The following PTPRM variants were observed in gnomAD, a reference collection of about 807,000 sequenced individuals.
PTPRM encodes receptor-type tyrosine-protein phosphatase mu.
A neutral mutation model predicts 186.7 loss-of-function variants in PTPRM; 47 were observed. That is an observed-to-expected ratio of 0.25 (90% CI 0.20 to 0.32). The LOEUF (loss-of-function observed/expected upper bound fraction) is 0.32. Ranked by LOEUF, PTPRM falls within the 10% of genes least tolerant of loss-of-function variation. The pLI, the probability that PTPRM is intolerant of heterozygous loss-of-function variation, is 1.00. For missense variants in PTPRM, 1,494 were observed against 1,865.0 expected (o/e 0.80, Z 3.66); for synonymous variants, 668 against 674.9 (o/e 0.99, Z 0.16).
intron 1 of PTPRM, among the ~76,000 whole-genome samples, chr18:7,673,766 C>T (rs1342175658): frequency 6.6e-6 from 1 of 152,206 alleles, no homozygotes; most frequent in Admixed American, 6.5e-5. Flanking sequence ...GAAGGCCACA[C>T]TATTTACTAG....
intron 7 of PTPRM, among the ~76,000 whole-genome samples, chr18:8,068,224 C>T (rs1463260459): frequency 6.6e-6 from 1 of 152,146 alleles, no homozygotes; most frequent in Non-Finnish European, 1.5e-5. Flanking sequence ...GCTTTTATAT[C>T]TCAAGTTTAT....
chr18:8,220,254 C>T (rs1189471247), intron 14 of PTPRM, among the ~76,000 whole-genome samples: 2 of 152,068 alleles, frequency 1.3e-5, no homozygotes, highest in African/African-American at 2.4e-5. Context: ...TGATGACTTC[C>T]GAACTTTAAA....
At chr18:8,181,540 C>T (rs772129372) in intron 14 of PTPRM, among the ~76,000 whole-genome samples, 2 of 152,232 alleles carry the variant, frequency 1.3e-5, no homozygotes, top group Admixed American at 6.5e-5. Context: ...CTGAACCAGA[C>T]TCCACGGACC....
At chr18:7,841,585 C>T (rs929765488) in intron 2 of PTPRM, among the ~76,000 whole-genome samples, 4 of 152,152 alleles carry the variant, frequency 2.6e-5, no homozygotes, top group African/African-American at 7.2e-5. Context: ...TGAGCCACCA[C>T]GCCTGGCCCA....
intron 7 of PTPRM, among the ~76,000 whole-genome samples, chr18:8,020,510 AAG>A (rs1267692013): frequency 6.6e-6 from 1 of 152,200 alleles, no homozygotes; most frequent in Non-Finnish European, 1.5e-5. Context: ...AGGTTTTAGC[AAG>A]ATGAAAATAC....
At chr18:7,927,377 G>T (rs1240236351) in intron 5 of PTPRM, among the ~76,000 whole-genome samples, 5 of 151,984 alleles carry the variant, frequency 3.3e-5, no homozygotes, top group Non-Finnish European at 7.4e-5. Context: ...TTGCATTCTT[G>T]TTTCTTTCTT....
chr18:7,866,154 T>G (rs2047679716), intron 2 of PTPRM, among the ~76,000 whole-genome samples: 1 of 151,826 alleles, frequency 6.6e-6, no homozygotes, highest in Non-Finnish European at 1.5e-5. Flanking sequence ...TTCATTGATT[T>G]TTTTGAAGGT....
chr18:7,609,817 A>G (rs558060895), intron 1 of PTPRM, among the ~76,000 whole-genome samples: 3 of 152,272 alleles, frequency 2.0e-5, no homozygotes, highest in Non-Finnish European at 4.4e-5. Context: ...GGTAGTTCCC[A>G]TGGATTCCTA....
In PTPRM at chr18:7,726,143, A is replaced by G. The variant is rs2040544826; in HGVS notation, c.74-48006A>G. On this transcript the variant is annotated intron_variant, in intron 1 of 32. Coordinates refer to ENST00000580170, the MANE Select transcript of PTPRM (RefSeq NM_001105244.2). Reference sequence around the variant, plus strand: ...GTGAGTAGAATTCGCCCCTGCCAGCACCAGCACGAGTGCACTCCATTTCCC... The same window carrying G: ...GTGAGTAGAATTCGCCCCTGCCAGCGCCAGCACGAGTGCACTCCATTTCCC... 2.0e-5 allele frequency among the ~76,000 whole-genome samples: 3 copies of G among 152,140 alleles called. No homozygotes were observed. The South Asian group carries it at 6.2e-4, about 32-fold the overall frequency.
chr18:7,724,980 C>A (rs974188933), intron 1 of PTPRM, among the ~76,000 whole-genome samples: 1 of 152,132 alleles, frequency 6.6e-6, no homozygotes, highest in African/African-American at 2.4e-5. Flanking sequence ...TCAACAGATG[C>A]AAATGGTTTA....
intron 7 of PTPRM, among the ~76,000 whole-genome samples, chr18:8,056,898 A>T (rs28611270): frequency 0.022 from 3,339 of 152,152 alleles, 113 homozygotes; most frequent in African/African-American, 0.076. Context: ...AGGAGGGCGT[A>T]TAGACAAAGA....
chr18:7,956,278 T>C (rs1201757550), intron 7 of PTPRM, among the ~76,000 whole-genome samples: 6 of 152,216 alleles, frequency 3.9e-5, no homozygotes, highest in African/African-American at 7.2e-5. Flanking sequence ...TATCAATGTT[T>C]CATTTCTTTC....
At chr18:7,914,344 A>G (rs916472085) in intron 4 of PTPRM, among the ~76,000 whole-genome samples, 4 of 152,118 alleles carry the variant, frequency 2.6e-5, no homozygotes, top group African/African-American at 9.7e-5. Flanking sequence ...AGAATGTTGA[A>G]TCTGTTTTTC....
At chr18:7,825,874 C>T (rs939837188) in intron 2 of PTPRM, among the ~76,000 whole-genome samples, 14 of 152,124 alleles carry the variant, frequency 9.2e-5, no homozygotes, top group Admixed American at 8.5e-4. Flanking sequence ...AGAATAATAT[C>T]GAATGGGACA....
intron 1 of PTPRM, among the ~76,000 whole-genome samples, chr18:7,592,202 G>A (rs928661864): frequency 1.1e-4 from 16 of 152,126 alleles, no homozygotes; most frequent in African/African-American, 3.9e-4. Flanking sequence ...GGTACCAGAG[G>A]TTTTTAAGAG....
intron 2 of PTPRM, among the ~76,000 whole-genome samples, chr18:7,848,026 A>T (rs1332756174): frequency 6.6e-6 from 1 of 152,186 alleles, no homozygotes; most frequent in Non-Finnish European, 1.5e-5. Flanking sequence ...ATCAAACTTA[A>T]TGAGTCTGAA....
At chr18:7,572,231 T>C (rs2036581997) in intron 1 of PTPRM, among the ~76,000 whole-genome samples, 1 of 152,208 alleles carries the variant, frequency 6.6e-6, no homozygotes, top group Non-Finnish European at 1.5e-5. Context: ...AAGAATCTAT[T>C]GACATGTAGT....
chr18:7,851,818 T>C (rs968341489), intron 2 of PTPRM, among the ~76,000 whole-genome samples: 2 of 152,086 alleles, frequency 1.3e-5, no homozygotes, highest in East Asian at 3.9e-4. Context: ...ACTGTAAAAA[T>C]TCTAAGTAAT....
intron 14 of PTPRM, among the ~76,000 whole-genome samples, chr18:8,235,172 G>A (rs1464784717): frequency 6.6e-6 from 1 of 152,032 alleles, no homozygotes; most frequent in Non-Finnish European, 1.5e-5. Flanking sequence ...TTAAATATTT[G>A]GTAGAATTTA....
Sources: allele counts gnomAD v4.1 joint callset (sites outside exome capture counted in the v4.1 genomes callset), GRCh38; gene constraint gnomAD v4.1.1; transcripts MANE v1.5; gene names NCBI Gene and HGNC (gene_info 2026-07-23, HGNC 2026-07-21).